SLC12A5: variants seen among roughly 807,000 people sequenced by gnomAD.
SLC12A5 encodes solute carrier family 12 member 5.
SLC12A5 carries 18 observed loss-of-function variants against 124.0 expected under a neutral mutation model. The observed-to-expected ratio is 0.15, with a 90% CI of 0.10 to 0.22. The LOEUF (loss-of-function observed/expected upper bound fraction) is 0.22. Ranked by LOEUF, SLC12A5 falls within the 10% of genes least tolerant of loss-of-function variation. The pLI, the probability that SLC12A5 is intolerant of heterozygous loss-of-function variation, is 1.00. For missense variants in SLC12A5, 867 were observed against 1,478.7 expected, an observed-to-expected ratio of 0.59 and a Z score of 6.78; for synonymous variants, 589 against 568.0, an observed-to-expected ratio of 1.04 and a Z score of -0.53.
Position 46,044,972 on chromosome 20 carries a change from C to T in SLC12A5, c.1401C>T (p.Gly467=), listed in dbSNP as rs545847050. 3.8e-5 allele frequency: 61 copies of T among 1,614,144 alleles called. No homozygotes were observed. Among genetic ancestry groups the T allele is most frequent in the Admixed American group, 2.3e-4 (14 of 60,018 alleles). ...CCTGTCCACATCATTCCAGGTTTGG[C>T]GAAGCTGTGAATGGCAACCTCGTGG... ...IEGVVLRDKF[G]EAVNGNLVVG... The change falls in exon 12 of 26, where the codon GGC becomes GGT. Residue 467 remains glycine, a synonymous_variant. Transcript: ENST00000243964.
At position 46,059,398 on chromosome 20, in the gene SLC12A5, G is replaced by T. The variant is rs977310125; in HGVS notation, c.*1793G>T. On this transcript the variant is annotated 3_prime_UTR_variant, in exon 26 of 26. Transcript: ENST00000243964. The stretch of plus-strand genomic sequence containing the variant: ...TGAGATTCGATCAGGGGACTGGATA[G>T]ATTCTTTCAGGTACTCAATCAGGAA... The T allele has an allele frequency of 5.1e-6, 2 of 395,294 alleles. No individual in the cohort carries two copies. The highest frequency in any genetic ancestry group is 4.1e-5 in the African/African-American group (2 of 48,486). 24.5% of individuals were successfully genotyped at this position (395,294 alleles called of 1,614,324 possible).
chr20:46,043,350 C>T, intron 9 of SLC12A5, 27 bp downstream of exon 9: 1 of 1,607,962 alleles, frequency 6.2e-7, no homozygotes, highest in Non-Finnish European at 8.5e-7. Context: ...AGAGGGAAGA[C>T]TCTGCCTGTG....
intron 1 of SLC12A5, among the ~76,000 whole-genome samples, 188 bp downstream of exon 1, chr20:46,029,584 T>C (rs555248456): frequency 1.4e-4 from 22 of 151,836 alleles, no homozygotes; most frequent in South Asian, 4.2e-4. Context: ...GGTGCTGGAA[T>C]GCGCCGCGCC....
At chr20:46,024,383 C>T (rs556672689), upstream of SLC12A5, among the ~76,000 whole-genome samples, 1 of 152,118 alleles carries the variant, frequency 6.6e-6, no homozygotes, top group Non-Finnish European at 1.5e-5. Context: ...ACCTTTTAAG[C>T]CTGAAGCAGT....
At chr20:46,046,546 G>T in intron 14 of SLC12A5, 110 bp downstream of exon 14, 2 of 884,168 alleles carry the variant, frequency 2.3e-6, no homozygotes. Flanking sequence ...AACCTGAAGA[G>T]GACATCCTTT....
chr20:46,025,603 G>A (rs1407015651), upstream of SLC12A5, among the ~76,000 whole-genome samples: 1 of 152,144 alleles, frequency 6.6e-6, no homozygotes, highest in African/African-American at 2.4e-5. Context: ...AGGGAAGATG[G>A]ACTGAGTCTG....
chr20:46,052,797 G>C (rs1468902371), intron 18 of SLC12A5, among the ~76,000 whole-genome samples, 160 bp from the exon 19 acceptor site: 1 of 152,194 alleles, frequency 6.6e-6, no homozygotes, highest in Admixed American at 6.5e-5. Context: ...ATATGATGGG[G>C]CCCAAGTAGA....
intron 16 of SLC12A5, among the ~76,000 whole-genome samples, chr20:46,048,934 A>T (rs2084624510): frequency 1.3e-5 from 2 of 151,490 alleles, no homozygotes; most frequent in Admixed American, 1.3e-4. Context: ...AGACCTGGAG[A>T]TGGAATCCTC....
intron 14 of SLC12A5, among the ~76,000 whole-genome samples, chr20:46,046,896 G>A (rs1301816323): frequency 1.3e-5 from 2 of 152,250 alleles, no homozygotes; most frequent in East Asian, 1.9e-4. Context: ...CACAGAGGCT[G>A]TAGTTCTCTC....
downstream of SLC12A5, among the ~76,000 whole-genome samples, chr20:46,024,066 G>T (rs372844221): frequency 6.6e-6 from 1 of 152,060 alleles, no homozygotes; most frequent in Non-Finnish European, 1.5e-5. Context: ...CGCTGGGGTC[G>T]AAGTGAAACA....
At chr20:46,046,516 C>G in intron 14 of SLC12A5, 80 bp downstream of exon 14, 2 of 1,315,946 alleles carry the variant, frequency 1.5e-6, no homozygotes, top group South Asian at 1.2e-5. Flanking sequence ...AGTCCATCCC[C>G]TCTGGGTCTA....
At chr20:46,024,039 C>G (rs865907794), downstream of SLC12A5, among the ~76,000 whole-genome samples, 3 of 152,074 alleles carry the variant, frequency 2.0e-5, no homozygotes, top group African/African-American at 7.2e-5. Flanking sequence ...TCTCAGATGC[C>G]GGTACTCACA....
intron 1 of SLC12A5, among the ~76,000 whole-genome samples, chr20:46,030,934 C>G (rs958505614): frequency 6.1e-4 from 93 of 152,196 alleles, no homozygotes; most frequent in African/African-American, 2.1e-3. Context: ...ATCCAGCATC[C>G]GCCCCCTCCC....
At position 46,057,038 on chromosome 20, in the gene SLC12A5, T is replaced by G; in HGVS notation, c.3125+127T>G. 6.3e-7 allele frequency: 1 copy of G among 1,582,870 alleles called. No individual in the cohort carries two copies. The highest frequency in any genetic ancestry group is 8.7e-7 in the Non-Finnish European group (1 of 1,153,980). On this transcript the variant is annotated intron_variant, in intron 24 of 25. Coordinates refer to ENST00000243964, the MANE Select transcript of SLC12A5 (RefSeq NM_020708.5). The surrounding 1 kb of genome is among the most constrained non-coding windows in gnomAD (Gnocchi z 7.1). The stretch of plus-strand genomic sequence containing the variant: ...ATCTCTGAATAGCCTAGCCTGGAGA[T>G]GTTTAGGATTGGTGGTCCTAGGCTT...
intron 16 of SLC12A5, 110 bp downstream of exon 16, chr20:46,048,195 C>T (rs2084615056): frequency 2.0e-6 from 2 of 979,530 alleles, no homozygotes; most frequent in South Asian, 1.8e-5. Flanking sequence ...CTTTGTTTTG[C>T]TGAGTCGTGC....
intron 21 of SLC12A5, among the ~76,000 whole-genome samples, 174 bp downstream of exon 21, chr20:46,055,197 C>A (rs930257057): frequency 1.3e-5 from 2 of 152,188 alleles, no homozygotes; most frequent in Non-Finnish European, 1.5e-5. Context: ...GTATACACTG[C>A]AGCTTCACTG....
chr20:46,044,911 C>G (rs1362189635), intron 11 of SLC12A5, 55 bp from the exon 12 acceptor site: 2 of 1,608,858 alleles, frequency 1.2e-6, no homozygotes, highest in African/African-American at 1.3e-5. Context: ...GGAGACCTGC[C>G]CTGGAAATCC....
Position 46,045,116 on chromosome 20 carries a change from G to A in SLC12A5, c.1545G>A (p.Arg515=). The A allele has an allele frequency of 6.3e-7, 1 of 1,598,564 alleles. No homozygotes were observed. Among genetic ancestry groups the A allele is most frequent in the Non-Finnish European group, 8.5e-7 (1 of 1,172,742 alleles). Residue 515 remains arginine, a synonymous_variant, in exon 12 of 26, where the codon AGG becomes AGA. Coordinates refer to ENST00000243964, the MANE Select transcript of SLC12A5 (RefSeq NM_020708.5). This position sits in a 1 kb window ranked among gnomAD's most constrained non-coding sequence, Gnocchi z 4.9. Reference sequence around the variant, plus strand: ...CACGCCTGCTGCAGGCCATCTCGAGGGATGGCATTGTGCCCTTCCTGCAGG... The same window carrying A: ...CACGCCTGCTGCAGGCCATCTCGAGAGATGGCATTGTGCCCTTCCTGCAGG... The part of the protein sequence containing the change: ...GAPRLLQAIS[R]DGIVPFLQVF...
rs371035693 is a variant in SLC12A5, at chr20:46,046,486, G to A, written c.1787+50G>A. On this transcript the variant is annotated intron_variant, in intron 14 of 25. Transcript: ENST00000243964. ...CACTGAGCCACTTGCTCACCTCCAC[G>A]CCAATCCTCATCTTACTCCAGTCCA... is the stretch of plus-strand genomic sequence containing the variant. The A allele has an allele frequency of 6.6e-5, 100 of 1,508,258 alleles. 1 individual carries two copies. The highest frequency in any genetic ancestry group is 1.6e-4 in the East Asian group (7 of 44,366). 93.4% of individuals were successfully genotyped at this position (1,508,258 alleles called of 1,614,324 possible). A position where few individuals can be genotyped will look rare whatever the true frequency, so the allele number is the denominator to read the frequency against.
Sources: allele counts gnomAD v4.1 joint callset (sites outside exome capture counted in the v4.1 genomes callset), GRCh38; gene constraint gnomAD v4.1.1; non-coding constraint Gnocchi (gnomAD v3.1); transcripts MANE v1.5; gene names NCBI Gene and HGNC (gene_info 2026-07-23, HGNC 2026-07-21).